DGKG: variants seen among roughly 807,000 people sequenced by gnomAD.
DGKG encodes the protein diacylglycerol kinase gamma, also known as DAG kinase gamma.
In DGKG, 78 loss-of-function variants were observed where a neutral mutation model predicts 105.3. The ratio of observed to expected loss-of-function variants is 0.74; its 90% CI spans 0.62 to 0.89. The LOEUF (loss-of-function observed/expected upper bound fraction) is 0.89. Ranked by LOEUF, DGKG falls within the 40% of genes least tolerant of loss-of-function variation. The pLI is 0.00. For missense variants in DGKG, 958 were observed against 1,020.1 expected, an observed-to-expected ratio of 0.94 and a Z score of 0.83; for synonymous variants, 346 against 367.1, an observed-to-expected ratio of 0.94 and a Z score of 0.66.
At position 186,278,716 on chromosome 3, in the gene DGKG, G is replaced by A. The variant is rs149379102; in HGVS notation, c.792+1135C>T. 2.3e-3 allele frequency among the ~76,000 whole-genome samples: 348 copies of A among 152,286 alleles called. 1 individual carries two copies. The highest frequency in any genetic ancestry group is 8.0e-3 in the African/African-American group (332 of 41,550). On this transcript the variant is annotated intron_variant, in intron 9 of 24. Transcript: ENST00000265022. ...CTTCAGAAATGGGGGCTCAGCTTTA[G>A]TCCTGAATTGCAGAGCTATGAAATG...
chr3:186,305,325 C>T (rs1724177036), intron 3 of DGKG, among the ~76,000 whole-genome samples: 1 of 152,050 alleles, frequency 6.6e-6, no homozygotes, highest in Non-Finnish European at 1.5e-5. Context: ...ATGTGATGTG[C>T]TGAGGAGGAA....
chr3:186,155,727 C>A (rs1317226392), intron 24 of DGKG, among the ~76,000 whole-genome samples: 2 of 152,156 alleles, frequency 1.3e-5, no homozygotes, highest in African/African-American at 2.4e-5. Flanking sequence ...ACACATGGGT[C>A]TACATGCTTT....
At chr3:186,260,752 G>A (rs897949361) in intron 15 of DGKG, among the ~76,000 whole-genome samples, 3 of 152,210 alleles carry the variant, frequency 2.0e-5, no homozygotes, top group Non-Finnish European at 4.4e-5. Flanking sequence ...CAGCTCCTAA[G>A]CCCAGAAGCA....
At position 186,302,541 on chromosome 3, in the gene DGKG, T is replaced by C. The variant is rs1316082467; in HGVS notation, c.145-4312A>G. 1.8e-3 allele frequency among the ~76,000 whole-genome samples: 55 copies of C among 30,360 alleles called. 1 individual carries two copies. In the South Asian group the frequency reaches 0.056, roughly 31 times the overall value. 19.9% of individuals were successfully genotyped at this position (30,360 alleles called of 152,430 possible). ...ATATATATATATATATACATATGTA[T>C]ATATATATATATATATACACATATG... On this transcript the variant is annotated intron_variant, in intron 3 of 24. Transcript: ENST00000265022.
intron 20 of DGKG, among the ~76,000 whole-genome samples, chr3:186,237,788 C>T (rs891501117): frequency 1.3e-5 from 2 of 152,190 alleles, no homozygotes; most frequent in African/African-American, 4.8e-5. Flanking sequence ...CTAAAAAATA[C>T]ATGACTTTTG....
At chr3:186,318,665 G>C (rs1300441298) in intron 2 of DGKG, among the ~76,000 whole-genome samples, 1 of 152,148 alleles carries the variant, frequency 6.6e-6, no homozygotes, top group African/African-American at 2.4e-5. Context: ...AGAATGTCAC[G>C]TGAGGGCATG....
intron 21 of DGKG, among the ~76,000 whole-genome samples, chr3:186,191,091 T>C (rs1450233319): frequency 6.6e-6 from 1 of 152,180 alleles, no homozygotes; most frequent in Non-Finnish European, 1.5e-5. Flanking sequence ...TCTGTGGTCA[T>C]CTGACTTATT....
chr3:186,265,345 A>G, intron 13 of DGKG, 39 bp from the exon 14 acceptor site: 2 of 1,592,586 alleles, frequency 1.3e-6, no homozygotes, highest in Non-Finnish European at 1.7e-6. Flanking sequence ...TTTTGGAAAA[A>G]GAAGCCTAAC....
chr3:186,297,644 G>A (rs534423935), intron 4 of DGKG, among the ~76,000 whole-genome samples, 161 bp from the exon 5 acceptor site: 46 of 152,136 alleles, frequency 3.0e-4, no homozygotes, highest in Non-Finnish European at 5.9e-4. Context: ...GATTGGCTGT[G>A]TCTCCCCCAT....
At chr3:186,320,911 G>C (rs569669404) in intron 1 of DGKG, among the ~76,000 whole-genome samples, 2 of 152,322 alleles carry the variant, frequency 1.3e-5, no homozygotes, top group South Asian at 2.1e-4. Context: ...TGTATGAATA[G>C]GTGGGCCATA....
chr3:186,355,278 A>AACACCACTATCGTCAACT (rs1726876540), intron 1 of DGKG, among the ~76,000 whole-genome samples: 3 of 24,534 alleles, frequency 1.2e-4, no homozygotes, highest in Admixed American at 6.0e-4. Context: ...TACCACCAGC[A>AACACCACTATCGTCAACT]CGATCATCAT....
chr3:186,295,023 C>T (rs1177804969), intron 5 of DGKG, among the ~76,000 whole-genome samples: 1 of 152,160 alleles, frequency 6.6e-6, no homozygotes, highest in Non-Finnish European at 1.5e-5. Flanking sequence ...TCTATCATGA[C>T]CTGTTTATCT....
intron 3 of DGKG, 147 bp downstream of exon 3, chr3:186,306,754 A>G (rs1447733834): frequency 3.2e-6 from 2 of 621,370 alleles, no homozygotes; most frequent in Non-Finnish European, 5.8e-6. Context: ...AATGCCAGGT[A>G]GCACAAATGG....
intron 22 of DGKG, among the ~76,000 whole-genome samples, chr3:186,185,699 C>G (rs1717593734): frequency 6.6e-6 from 1 of 152,102 alleles, no homozygotes; most frequent in Non-Finnish European, 1.5e-5. Context: ...CTTCCCCTAC[C>G]CTCTGTTAGC....
chr3:186,161,122 G>A (rs1295231409), intron 24 of DGKG: 10 of 988,400 alleles, frequency 1.0e-5, no homozygotes, highest in Admixed American at 6.0e-5. Context: ...TGTGCTCTGC[G>A]AGGAATTTTC....
chr3:186,263,031 G>A (rs1157404757), intron 14 of DGKG, among the ~76,000 whole-genome samples: 1 of 152,064 alleles, frequency 6.6e-6, no homozygotes, highest in Non-Finnish European at 1.5e-5. Context: ...GGAGGCTGAG[G>A]CAGGAGAATC....
At chr3:186,306,464 G>A (rs1025057813) in intron 3 of DGKG, among the ~76,000 whole-genome samples, 3 of 152,046 alleles carry the variant, frequency 2.0e-5, no homozygotes, top group Non-Finnish European at 4.4e-5. Context: ...CTGTAAGTAG[G>A]CCAAAAGAGG....
rs138504528 is a variant in DGKG at position 186,260,491 on chromosome 3, G to T, written c.1372C>A (p.Leu458Met). The T allele has an allele frequency of 1.5e-4, 237 of 1,613,008 alleles. No individual in the cohort carries two copies. The highest frequency in any genetic ancestry group is 3.3e-4 in the Middle Eastern group (2 of 6,076). The change falls in exon 16 of 25, where the codon CTG becomes ATG. Residue 458 changes from leucine to methionine, a missense_variant. This residue lies in a region of DGKG where 643 missense variants were observed against 619.5 expected (regional missense o/e 1.04). Coordinates refer to ENST00000265022, the MANE Select transcript of DGKG (RefSeq NM_001346.3). ...GERILRKFHYLLNPKQVFNLD... is the reference protein window; with the variant it reads ...GERILRKFHYMLNPKQVFNLD... ...TTGAAAACTTGTTTGGGGTTGAGCAGATAGTGGAATTTCCGAAGAATTCTA... is the reference window on the plus strand; with the variant it reads ...TTGAAAACTTGTTTGGGGTTGAGCATATAGTGGAATTTCCGAAGAATTCTA...
At chr3:186,200,340 C>T (rs1718391235) in intron 21 of DGKG, among the ~76,000 whole-genome samples, 1 of 152,110 alleles carries the variant, frequency 6.6e-6, no homozygotes, top group Non-Finnish European at 1.5e-5. Flanking sequence ...TGATTTTGTT[C>T]CAAGTATTGT....
Sources: allele counts gnomAD v4.1 joint callset (sites outside exome capture counted in the v4.1 genomes callset), GRCh38; gene constraint gnomAD v4.1.1; regional missense constraint gnomAD v4.1.1; transcripts MANE v1.5; gene names NCBI Gene and HGNC (gene_info 2026-07-23, HGNC 2026-07-21).